AMMECR1: variants seen among roughly 807,000 people sequenced by gnomAD.
AMMECR1 encodes AMMECR nuclear protein 1.
In AMMECR1, 3 loss-of-function variants were observed where a neutral mutation model predicts 22.5. That is an observed-to-expected ratio of 0.13 (90% CI 0.06 to 0.35). The LOEUF (loss-of-function observed/expected upper bound fraction) is 0.35. AMMECR1 is among the 10% of genes least tolerant of loss of function. The pLI, the probability that AMMECR1 is intolerant of heterozygous loss-of-function variation, is 1.00. For synonymous variants in AMMECR1, 130 were observed against 116.7 expected (o/e 1.11, Z -0.74); for missense variants, 235 against 278.7 (o/e 0.84, Z 1.12).
At chrX:110,439,327 A>T (rs1218827030) in intron 1 of AMMECR1, among the ~76,000 whole-genome samples, 3 of 112,079 alleles carry the variant, frequency 2.7e-5, no homozygotes, top group Non-Finnish European at 5.6e-5. Flanking sequence ...ATTGAAAGGG[A>T]CCATTCGTGG....
intron 2 of AMMECR1, among the ~76,000 whole-genome samples, chrX:110,426,106 T>C (rs1046759816): frequency 2.7e-5 from 3 of 112,314 alleles, no homozygotes; most frequent in African/African-American, 9.7e-5. Flanking sequence ...GTAATTTGAA[T>C]GTCTTGAACA....
intron 2 of AMMECR1, among the ~76,000 whole-genome samples, chrX:110,225,841 G>A (rs190652791): frequency 2.9e-3 from 327 of 111,430 alleles, no homozygotes; most frequent in Non-Finnish European, 4.9e-3. Context: ...ATGCCACCAT[G>A]AACTCTCACC....
chrX:110,269,529 G>A (rs1236314880), intron 1 of AMMECR1, among the ~76,000 whole-genome samples: 1 of 100,694 alleles, frequency 9.9e-6, no homozygotes, highest in East Asian at 3.1e-4. Flanking sequence ...ATTTATATTG[G>A]GGGGGGGGAT....
At chrX:110,317,569 G>A (rs748941733) in intron 1 of AMMECR1, 30 bp downstream of exon 1, 5 of 1,139,884 alleles carry the variant, frequency 4.4e-6, no homozygotes, top group African/African-American at 1.8e-5. Context: ...CGAGCGCAAG[G>A]GAGAGGGCGG....
At chrX:110,357,948 C>A (rs1270912791) in intron 2 of AMMECR1, among the ~76,000 whole-genome samples, 1 of 111,661 alleles carries the variant, frequency 9.0e-6, no homozygotes. Context: ...GCAAAATATA[C>A]TTGCCTGGCC....
At chrX:110,343,489 C>T (rs2068173997) in intron 2 of AMMECR1, among the ~76,000 whole-genome samples, 1 of 110,939 alleles carries the variant, frequency 9.0e-6, no homozygotes, top group African/African-American at 3.3e-5. Flanking sequence ...GAAGTTCTGG[C>T]CAGGGCAATC....
chrX:110,399,099 C>T (rs1369446293), intron 2 of AMMECR1, among the ~76,000 whole-genome samples: 1 of 112,127 alleles, frequency 8.9e-6, no homozygotes, highest in Non-Finnish European at 1.9e-5. Context: ...CTCATGGTCT[C>T]TTGTTCTTTC....
intron 2 of AMMECR1, among the ~76,000 whole-genome samples, chrX:110,345,668 C>T (rs1216721011): frequency 9.1e-6 from 1 of 110,475 alleles, no homozygotes; most frequent in African/African-American, 3.3e-5. Context: ...CCCCAAACCT[C>T]AGCATCACAC....
At chrX:110,407,057 G>T (rs756963630) in intron 2 of AMMECR1, among the ~76,000 whole-genome samples, 1 of 111,430 alleles carries the variant, frequency 9.0e-6, no homozygotes, top group Admixed American at 9.6e-5. Flanking sequence ...CTGGTATTGC[G>T]CAAACGCTGC....
intron 1 of AMMECR1, among the ~76,000 whole-genome samples, chrX:110,296,751 G>C (rs187334359): frequency 9.1e-6 from 1 of 110,206 alleles, no homozygotes. Context: ...TTGCTATTTG[G>C]TGAGACATCA....
At chrX:110,215,262 T>C (rs2067467768) in intron 3 of AMMECR1, among the ~76,000 whole-genome samples, 1 of 112,039 alleles carries the variant, frequency 8.9e-6, no homozygotes, top group African/African-American at 3.2e-5. Context: ...GTACTCTCTG[T>C]AGAAAAGTTT....
chrX:110,388,848 T>G (rs956717491), intron 2 of AMMECR1, among the ~76,000 whole-genome samples: 7 of 112,342 alleles, frequency 6.2e-5, no homozygotes, highest in Non-Finnish European at 9.4e-5. Context: ...AGTTAGCAAC[T>G]GGAAGCAAAA....
chrX:110,234,386 G>C (rs2067588240), intron 2 of AMMECR1, among the ~76,000 whole-genome samples: 1 of 112,141 alleles, frequency 8.9e-6, no homozygotes, highest in African/African-American at 3.2e-5. Context: ...TCGATATCGT[G>C]AAAATGGCCA....
rs2068318905 is a variant in AMMECR1, at chrX:110,369,129, G to A, written c.-147-51280C>T. Reference sequence around the variant, plus strand: ...GGGCAGATCAGGAAGTCAGGGAATTGAGACCATCCTGGCTAACACAGTGAA... The same window carrying A: ...GGGCAGATCAGGAAGTCAGGGAATTAAGACCATCCTGGCTAACACAGTGAA... On this transcript the variant is annotated intron_variant, in intron 2 of 7. Coordinates refer to the AMMECR1 transcript ENST00000372057. 6.3e-5 allele frequency among the ~76,000 whole-genome samples: 7 copies of A among 111,728 alleles called. No individual in the cohort carries two copies. In the South Asian group the frequency reaches 2.7e-3, roughly 42 times the overall value.
At chrX:110,329,365 A>G (rs1343076877) in intron 2 of AMMECR1, among the ~76,000 whole-genome samples, 1 of 112,145 alleles carries the variant, frequency 8.9e-6, no homozygotes, top group Non-Finnish European at 1.9e-5. Flanking sequence ...TGGAGGAAAT[A>G]TTTTTTTAAA....
At chrX:110,319,625 C>A (rs2068071430), upstream of AMMECR1, among the ~76,000 whole-genome samples, 1 of 112,016 alleles carries the variant, frequency 8.9e-6, no homozygotes, top group Admixed American at 9.4e-5. Context: ...CAATACCATA[C>A]CTCGTCCTAC....
chrX:110,363,389 T>C (rs1444245482), intron 2 of AMMECR1, among the ~76,000 whole-genome samples: 1 of 111,552 alleles, frequency 9.0e-6, no homozygotes, highest in East Asian at 2.8e-4. Flanking sequence ...ACAAAAGAAA[T>C]TGCCCACTGT....
intron 2 of AMMECR1, among the ~76,000 whole-genome samples, chrX:110,323,267 C>A (rs1390308237): frequency 8.9e-6 from 1 of 111,948 alleles, no homozygotes; most frequent in Non-Finnish European, 1.9e-5. Context: ...ACAAAGGATA[C>A]CATCCACCCA....
chrX:110,209,001 A>C (rs2148166325), intron 3 of AMMECR1, among the ~76,000 whole-genome samples: 1 of 110,754 alleles, frequency 9.0e-6, no homozygotes, highest in East Asian at 2.8e-4. Flanking sequence ...AAAAAAGGGA[A>C]TAAGGGAGTG....
Sources: allele counts gnomAD v4.1 joint callset (sites outside exome capture counted in the v4.1 genomes callset), GRCh38; gene constraint gnomAD v4.1.1; transcripts MANE v1.5; gene names NCBI Gene and HGNC (gene_info 2026-07-23, HGNC 2026-07-21).